Variants in DPF3 observed in about 807,000 individuals in gnomAD.
DPF3 encodes the protein zinc finger protein DPF3.
In DPF3, 18 loss-of-function variants were observed where a neutral mutation model predicts 56.8. The ratio of observed to expected loss-of-function variants is 0.32; its 90% CI spans 0.22 to 0.47. DPF3 has a LOEUF of 0.47. Ranked by LOEUF, DPF3 falls within the 20% of genes least tolerant of loss-of-function variation. The pLI is 1.00. For missense variants in DPF3, 403 were observed against 488.8 expected (o/e 0.82, Z 1.65); for synonymous variants, 188 against 180.2 (o/e 1.04, Z -0.35).
chr14:72,667,980 C>G (rs1033876279), intron 8 of DPF3, among the ~76,000 whole-genome samples: 4 of 152,180 alleles, frequency 2.6e-5, no homozygotes, highest in African/African-American at 4.8e-5. Context: ...AACCTTATTA[C>G]TAACCTCAGT....
chr14:72,684,183 A>G (rs573671527), intron 7 of DPF3, among the ~76,000 whole-genome samples: 39 of 152,166 alleles, frequency 2.6e-4, no homozygotes, highest in African/African-American at 9.4e-4. Flanking sequence ...AGTAGCTGGG[A>G]TTATAGGCAT....
chr14:72,812,908 G>A (rs17181895), intron 1 of DPF3, among the ~76,000 whole-genome samples: 11,249 of 152,200 alleles, frequency 0.074, 670 homozygotes, highest in Admixed American at 0.18. Flanking sequence ...AGGCACTGGC[G>A]AAGAAGGGCC....
At chr14:72,814,644 G>A (rs768206167) in intron 1 of DPF3, among the ~76,000 whole-genome samples, 41 of 152,060 alleles carry the variant, frequency 2.7e-4, no homozygotes, top group Non-Finnish European at 4.0e-4. Flanking sequence ...GTGAAACCCC[G>A]TCTCTACTAA....
intron 8 of DPF3, among the ~76,000 whole-genome samples, chr14:72,657,625 TACC>T (rs749449578): frequency 2.0e-5 from 3 of 152,018 alleles, no homozygotes; most frequent in African/African-American, 4.8e-5. Context: ...AATGCCCTAT[TACC>T]ACCACCACCA....
chr14:72,706,977 TC>T (rs1346939704), intron 6 of DPF3, among the ~76,000 whole-genome samples: 1 of 151,574 alleles, frequency 6.6e-6, no homozygotes, highest in African/African-American at 2.4e-5. Context: ...CCCTACCCCC[TC>T]CCCCAACCCC....
chr14:72,638,739 G>A (rs1206801888), intron 8 of DPF3, among the ~76,000 whole-genome samples: 1 of 152,072 alleles, frequency 6.6e-6, no homozygotes, highest in Non-Finnish European at 1.5e-5. Flanking sequence ...TTTTCTACGT[G>A]AGCCTGGGAA....
chr14:72,714,635 G>A (rs955836486), intron 5 of DPF3, 134 bp from the exon 6 acceptor site: 5 of 931,130 alleles, frequency 5.4e-6, no homozygotes, highest in Non-Finnish European at 8.0e-6. Context: ...TTACAGGGGA[G>A]GAAACTGAGG....
rs1891542513 is a variant in DPF3 at position 72,771,757 on chromosome 14, T to A, written c.169A>T (p.Met57Leu). ...CCTGGGCCTCGGTGCCTCTTCTCCA[T>A]CCAGATGTAGCAGTTGTTCTGGGCC... ...GVAQNNCYIW[M>L]EKRHRGPGLA... The change falls in exon 2 of 11, where the codon ATG (methionine) becomes TTG (leucine). Residue 57 changes from methionine (M) to leucine (L), a missense_variant. Around this residue, in one of 2 missense-constraint regions of DPF3, gnomAD observed 340 missense variants for 374.3 expected, o/e 0.91. Coordinates refer to ENST00000556509, the MANE Select transcript of DPF3 (RefSeq NM_001280542.3). The A allele has an allele frequency of 1.9e-6, 3 of 1,613,272 alleles. No individual in the cohort carries two copies. The highest frequency in any genetic ancestry group is 2.5e-6 in the Non-Finnish European group (3 of 1,179,554).
chr14:72,771,746 C>T lies in DPF3; in HGVS notation c.180G>A (p.Arg60=), dbSNP rs774479741. Reference sequence around the variant, plus strand: ...GGCGCAGCTCACCTGGGCCTCGGTGCCTCTTCTCCATCCAGATGTAGCAGT... The same window carrying T: ...GGCGCAGCTCACCTGGGCCTCGGTGTCTCTTCTCCATCCAGATGTAGCAGT... The part of the protein sequence containing the change: ...QNNCYIWMEK[R]HRGPGLAPGQ... Residue 60 remains arginine, a synonymous_variant, in exon 2 of 11, where the codon AGG becomes AGA. Coordinates refer to ENST00000556509, the MANE Select transcript of DPF3 (RefSeq NM_001280542.3). 2 of 1,612,618 alleles carry T rather than the reference C, an allele frequency of 1.2e-6. No homozygotes were observed. Among genetic ancestry groups the T allele is most frequent in the African/African-American group, 1.3e-5 (1 of 74,874 alleles).
At chr14:72,697,979 CT>C (rs1349994057) in intron 6 of DPF3, among the ~76,000 whole-genome samples, 2 of 152,198 alleles carry the variant, frequency 1.3e-5, no homozygotes, top group Non-Finnish European at 2.9e-5. Flanking sequence ...ATAGATTTCT[CT>C]TCCCACCACA....
intron 6 of DPF3, among the ~76,000 whole-genome samples, chr14:72,709,456 TG>T (rs1771268890): frequency 6.6e-6 from 1 of 152,126 alleles, no homozygotes; most frequent in Non-Finnish European, 1.5e-5. Flanking sequence ...CTACTTCAAT[TG>T]TAACTACTAC....
At chr14:72,798,502 A>C (rs1046067857) in intron 1 of DPF3, among the ~76,000 whole-genome samples, 1 of 152,208 alleles carries the variant, frequency 6.6e-6, no homozygotes, top group Non-Finnish European at 1.5e-5. Flanking sequence ...CTATTGCTCA[A>C]TCCAAAGAGA....
At chr14:72,779,708 T>C (rs1005830032) in intron 1 of DPF3, among the ~76,000 whole-genome samples, 2 of 152,230 alleles carry the variant, frequency 1.3e-5, no homozygotes, top group Non-Finnish European at 2.9e-5. Context: ...CACACAGACA[T>C]AAAAGTCTGC....
At position 72,692,282 on chromosome 14, in the gene DPF3, G is replaced by T. The variant is rs147155390; in HGVS notation, c.742+794C>A. Among the ~76,000 whole-genome samples, 6 of 152,244 alleles carry T rather than the reference G, an allele frequency of 3.9e-5. No homozygotes were observed. In the East Asian group the frequency reaches 1.2e-3, roughly 29 times the overall value. On this transcript the variant is annotated intron_variant, in intron 7 of 10. Coordinates refer to ENST00000556509, the MANE Select transcript of DPF3 (RefSeq NM_001280542.3). ...TTCTTCACTGAGAGATCTCAGTGTGGCCCACATCTTCAAGCAGGCTCTAAA... is the reference window on the plus strand; with the variant it reads ...TTCTTCACTGAGAGATCTCAGTGTGTCCCACATCTTCAAGCAGGCTCTAAA...
intron 1 of DPF3, among the ~76,000 whole-genome samples, chr14:72,832,440 C>T (rs923622808): frequency 7.9e-5 from 12 of 152,186 alleles, no homozygotes; most frequent in East Asian, 5.8e-4. Context: ...AGTAAGAGAT[C>T]GCCAGTATTC....
chr14:72,803,561 G>T (rs1476329425), intron 1 of DPF3, among the ~76,000 whole-genome samples: 2 of 152,196 alleles, frequency 1.3e-5, no homozygotes, highest in African/African-American at 4.8e-5. Context: ...ACCCAGCCTG[G>T]ATCCCATAGA....
intron 1 of DPF3, among the ~76,000 whole-genome samples, chr14:72,850,825 A>G (rs720317): frequency 0.99 from 150,690 of 152,236 alleles, 74,581 homozygotes; most frequent in African/African-American, 1. Context: ...GTGTGTGCGC[A>G]CGCGCATGTG....
At chr14:72,778,052 G>A (rs953937289) in intron 1 of DPF3, among the ~76,000 whole-genome samples, 2 of 152,108 alleles carry the variant, frequency 1.3e-5, no homozygotes, top group African/African-American at 4.8e-5. Context: ...CTCAATCTCT[G>A]CCATGAGAGG....
chr14:72,609,781 A>T lies in DPF3; in HGVS notation c.*9516T>A, dbSNP rs1259722383. On this transcript the variant is annotated 3_prime_UTR_variant, in exon 11 of 11. Coordinates refer to ENST00000556509, the MANE Select transcript of DPF3 (RefSeq NM_001280542.3). ...TTTTTAGAGAAGCCAGGGTGGGCCA[A>T]ATGGAGATATTGTCTCAAGACCATT... Among the ~76,000 whole-genome samples, 3 of 152,160 alleles carry T rather than the reference A, an allele frequency of 2.0e-5. No homozygotes were observed. The East Asian group carries it at 5.8e-4, about 29-fold the overall frequency.
Sources: allele counts gnomAD v4.1 joint callset (sites outside exome capture counted in the v4.1 genomes callset), GRCh38; gene constraint gnomAD v4.1.1; regional missense constraint gnomAD v4.1.1; transcripts MANE v1.5; gene names NCBI Gene and HGNC (gene_info 2026-07-23, HGNC 2026-07-21).